The following NOL10 variants were observed in gnomAD, a reference collection of about 807,000 sequenced individuals.
NOL10 encodes the protein H_NH0074G24.1.
In NOL10, 58 loss-of-function variants were observed where a neutral mutation model predicts 103.5. The ratio of observed to expected loss-of-function variants is 0.56; its 90% CI spans 0.45 to 0.70. The LOEUF (loss-of-function observed/expected upper bound fraction) is 0.70, where lower values mean the gene tolerates loss of function less well. NOL10 is among the 30% of genes least tolerant of loss of function. The pLI is 0.00. For missense variants in NOL10, 763 were observed against 807.3 expected (o/e 0.95, Z 0.67); for synonymous variants, 287 against 282.5 (o/e 1.02, Z -0.16).
At chr2:10,599,149 T>C (rs774261639) in intron 17 of NOL10, among the ~76,000 whole-genome samples, 3 of 152,242 alleles carry the variant, frequency 2.0e-5, no homozygotes, top group Non-Finnish European at 2.9e-5. Flanking sequence ...GGCTCTGGTA[T>C]AGCATGCTGC....
At chr2:10,611,281 C>T (rs6706763) in intron 13 of NOL10, among the ~76,000 whole-genome samples, 90,035 of 152,076 alleles carry the variant, frequency 0.59, 27,659 homozygotes, top group African/African-American at 0.74. Context: ...ACAAGAAGGC[C>T]ACAACTCAAA....
chr2:10,624,183 T>C (rs928639312), intron 13 of NOL10, among the ~76,000 whole-genome samples: 2 of 152,032 alleles, frequency 1.3e-5, no homozygotes, highest in Non-Finnish European at 1.5e-5. Flanking sequence ...CTTTTCTTTT[T>C]TTTTTTTTTA....
Position 10,689,973 on chromosome 2 carries a change from A to G in NOL10, c.-112T>C. 1.1e-6 allele frequency: 1 copy of G among 940,404 alleles called. No homozygotes were observed. Among genetic ancestry groups the G allele is most frequent in the African/African-American group, 1.6e-5 (1 of 60,900 alleles). The allele number at this position is 940,404 out of a possible 1,614,324, so 58.3% of individuals were successfully genotyped here. On this transcript the variant is annotated 5_prime_UTR_variant, in exon 1 of 21. Transcript: ENST00000381685. ...CCGCGGCGTGCGGCCGCTGGCGCCG[A>G]CTGATGACGCACTTCCTGGAGCCGG...
At chr2:10,618,577 ATTTTTGTATTTTTATT>A (rs541204339) in intron 13 of NOL10, among the ~76,000 whole-genome samples, 1 of 152,230 alleles carries the variant, frequency 6.6e-6, no homozygotes, top group Non-Finnish European at 1.5e-5. Context: ...GTGTTTTCCT[ATTTTTGTATTTTTATT>A]TTTTTGTATT....
intron 19 of NOL10, among the ~76,000 whole-genome samples, chr2:10,579,626 T>G (rs1219455431): frequency 6.6e-6 from 1 of 151,984 alleles, no homozygotes; most frequent in African/African-American, 2.4e-5. Flanking sequence ...GCATGTGAAT[T>G]ATGTGAGCCT....
chr2:10,666,932 G>A (rs1389174198), intron 8 of NOL10, among the ~76,000 whole-genome samples: 1 of 152,084 alleles, frequency 6.6e-6, no homozygotes, highest in Non-Finnish European at 1.5e-5. Flanking sequence ...TGACATATTT[G>A]CATTTTTTAA....
chr2:10,597,759 G>A (rs771895263), intron 17 of NOL10, among the ~76,000 whole-genome samples: 50 of 152,180 alleles, frequency 3.3e-4, no homozygotes, highest in Non-Finnish European at 5.4e-4. Context: ...CTGTTATCAC[G>A]TGATATGGCT....
intron 13 of NOL10, among the ~76,000 whole-genome samples, chr2:10,608,087 AT>A (rs1676354523): frequency 1.3e-5 from 2 of 152,220 alleles, no homozygotes; most frequent in African/African-American, 4.8e-5. Context: ...GCAAATGTTA[AT>A]TAGCTCAATT....
chr2:10,674,117 C>T (rs13016786), intron 4 of NOL10, among the ~76,000 whole-genome samples: 4,961 of 151,040 alleles, frequency 0.033, 283 homozygotes, highest in African/African-American at 0.11. Flanking sequence ...ATTTGGGAGG[C>T]GGAGGTAGGA....
rs781044448 is a variant in NOL10, at chr2:10,675,857, G to A, written c.226C>T (p.Arg76Trp). Residue 76 changes from arginine (R) to tryptophan (W), a missense_variant, in exon 4 of 21, where the codon CGG becomes TGG. Arg to Trp is a moderately radical substitution (Grantham distance 101). Transcript: ENST00000381685. ...YILATGTYKP[R>W]VRCYDTYQLS... The stretch of plus-strand genomic sequence containing the variant: ...TGATAGGTGTCATAACATCGAACCC[G>A]AGGTTTATATGTTCCTACAAAAAAT... 14 of 1,571,342 alleles carry A rather than the reference G, an allele frequency of 8.9e-6. No individual in the cohort carries two copies. Among genetic ancestry groups the A allele is most frequent in the African/African-American group, 5.4e-5 (4 of 74,278 alleles).
intron 13 of NOL10, among the ~76,000 whole-genome samples, chr2:10,609,431 CAAAAAAAAA>C (rs60104799): frequency 6.3e-5 from 7 of 111,586 alleles, no homozygotes; most frequent in African/African-American, 1.9e-4. Context: ...ACTAAAAATA[CAAAAAAAAA>C]AAAAAAAAAA....
intron 19 of NOL10, among the ~76,000 whole-genome samples, chr2:10,587,995 A>G (rs1264677407): frequency 6.6e-6 from 1 of 152,166 alleles, no homozygotes; most frequent in Non-Finnish European, 1.5e-5. Flanking sequence ...TTGGCTCCCC[A>G]GACATTCCAC....
chr2:10,668,769 A>C (rs1224302031), intron 6 of NOL10, 46 bp from the exon 7 acceptor site: 1 of 784,710 alleles, frequency 1.3e-6, no homozygotes, highest in East Asian at 2.9e-5. Flanking sequence ...ACTACAATGA[A>C]ACTTTAAGTA....
chr2:10,607,436 A>G (rs1212578510), intron 13 of NOL10, 125 bp from the exon 14 acceptor site: 3 of 982,602 alleles, frequency 3.1e-6, no homozygotes, highest in Middle Eastern at 2.2e-4. Context: ...AAGTATTGAC[A>G]AATGGATGCA....
intron 20 of NOL10, among the ~76,000 whole-genome samples, chr2:10,572,856 G>A (rs1674251166): frequency 6.6e-6 from 1 of 152,164 alleles, no homozygotes; most frequent in Non-Finnish European, 1.5e-5. Context: ...TGCTGGAAAG[G>A]TGCTCACATT....
intron 17 of NOL10, among the ~76,000 whole-genome samples, chr2:10,593,739 G>A (rs1333924899): frequency 2.0e-5 from 3 of 152,218 alleles, no homozygotes; most frequent in Non-Finnish European, 2.9e-5. Flanking sequence ...GGCACTGCAA[G>A]AGCAAGAGAG....
intron 13 of NOL10, among the ~76,000 whole-genome samples, chr2:10,621,107 T>A (rs1188694051): frequency 6.6e-6 from 1 of 152,192 alleles, no homozygotes; most frequent in Non-Finnish European, 1.5e-5. Flanking sequence ...GCTAATCATT[T>A]TTTAGTGAAG....
At chr2:10,632,778 T>A (rs973322530) in intron 13 of NOL10, among the ~76,000 whole-genome samples, 3 of 152,176 alleles carry the variant, frequency 2.0e-5, no homozygotes, top group African/African-American at 7.2e-5. Context: ...TGGGCCTGGT[T>A]CCCTCATTTA....
At chr2:10,585,335 C>T (rs1335089143) in intron 19 of NOL10, among the ~76,000 whole-genome samples, 9 of 152,200 alleles carry the variant, frequency 5.9e-5, no homozygotes, top group African/African-American at 2.2e-4. Flanking sequence ...AGGCTGCACA[C>T]GCTGCTGGAG....
Sources: gnomAD v4.1 joint callset for allele counts (sites outside exome capture counted in the v4.1 genomes callset) on GRCh38, gnomAD v4.1.1 for gene constraint, MANE v1.5 for transcripts, NCBI Gene and HGNC (gene_info 2026-07-23, HGNC 2026-07-21) for gene names.